Variants in KLF5 observed in about 807,000 individuals in gnomAD.
KLF5 encodes Krueppel-like factor 5.
KLF5 carries 9 observed loss-of-function variants against 36.9 expected under a neutral mutation model. The observed-to-expected ratio is 0.24, with a 90% CI of 0.15 to 0.43. The LOEUF is 0.43. KLF5 is among the 20% of genes least tolerant of loss of function. KLF5 has a pLI of 1.00. For synonymous variants in KLF5, 246 were observed against 241.7 expected (o/e 1.02, Z -0.17); for missense variants, 524 against 599.5 (o/e 0.87, Z 1.31).
At chr13:73,063,359 A>C (rs2044654438) in intron 2 of KLF5, among the ~76,000 whole-genome samples, 1 of 152,260 alleles carries the variant, frequency 6.6e-6, no homozygotes, top group Non-Finnish European at 1.5e-5. Flanking sequence ...TGGGAAAGCT[A>C]GTTTATGATT....
At position 73,075,905 on chromosome 13, in the gene KLF5, G is replaced by C. The variant is rs368090724; in HGVS notation, c.*19G>C. 1 of 1,519,260 alleles carries C rather than the reference G, an allele frequency of 6.6e-7. No homozygotes were observed. The highest frequency in any genetic ancestry group is 1.4e-5 in the African/African-American group (1 of 73,112). 94.1% of individuals were successfully genotyped at this position (1,519,260 alleles called of 1,614,324 possible). On this transcript the variant is annotated 3_prime_UTR_variant, in exon 4 of 4. Coordinates refer to ENST00000377687, the MANE Select transcript of KLF5 (RefSeq NM_001730.5). Reference sequence around the variant, plus strand: ...GAACTGAGCACTGCCCGTGTGACCCGTTCCAGGTCCCCTGGGCTCCCTCAA... The same window carrying C: ...GAACTGAGCACTGCCCGTGTGACCCCTTCCAGGTCCCCTGGGCTCCCTCAA...
chr13:73,062,871 C>T, intron 2 of KLF5, 137 bp downstream of exon 2: 3 of 593,726 alleles, frequency 5.1e-6, no homozygotes, highest in Non-Finnish European at 8.4e-6. Flanking sequence ...TTGTACTTGA[C>T]AGTAAAAAAA....
chr13:73,068,334 C>T (rs903216075), intron 3 of KLF5, among the ~76,000 whole-genome samples: 23 of 152,132 alleles, frequency 1.5e-4, no homozygotes, highest in African/African-American at 3.1e-4. Flanking sequence ...AGTTATACTT[C>T]GTATAATCTG....
At chr13:73,071,955 C>G (rs991906020) in intron 3 of KLF5, among the ~76,000 whole-genome samples, 1 of 152,212 alleles carries the variant, frequency 6.6e-6, no homozygotes, top group Non-Finnish European at 1.5e-5. Context: ...CTTTAATTCT[C>G]ATGATATTTT....
chr13:73,066,704 A>T (rs912638663), intron 3 of KLF5, among the ~76,000 whole-genome samples: 11 of 152,198 alleles, frequency 7.2e-5, no homozygotes, highest in African/African-American at 2.7e-4. Context: ...GAACCTAAGC[A>T]AATAATAGTC....
chr13:73,059,404 T>C lies in KLF5; in HGVS notation c.77T>C (p.Val26Ala). The C allele has an allele frequency of 7.2e-7, 1 of 1,397,336 alleles. No homozygotes were observed. The highest frequency in any genetic ancestry group is 9.3e-7 in the Non-Finnish European group (1 of 1,076,986). The allele number at this position is 1,397,336 out of a possible 1,614,324, so 86.6% of individuals were successfully genotyped here. A position where few individuals can be genotyped will look rare whatever the true frequency, so the allele number is the denominator to read the frequency against. The change falls in exon 1 of 4, where the codon GTG becomes GCG. Residue 26 changes from valine (V) to alanine (A), a missense_variant. Physicochemically the swap from Val to Ala is moderately conservative, Grantham distance 64 (BLOSUM62 0). Around this residue, in one of 4 missense-constraint regions of KLF5, gnomAD observed 454 missense variants for 458.1 expected, o/e 0.99. Transcript: ENST00000377687. ...CCGCCGGCGCCGCAGGACGAGCCGG[T>C]GTTCGCGCAGCTCAAGCCGGTGCTG... ...PQPPAPQDEP[V>A]FAQLKPVLGA...
In KLF5 at chr13:73,059,778, G is replaced by C. The variant is rs931522098; in HGVS notation, c.261+190G>C. The stretch of plus-strand genomic sequence containing the variant: ...CCGCGTTTCGCTGAGAGTAAATGGG[G>C]GGGGGGGCCGGGGGTGGGAAGGATG... On this transcript the variant is annotated intron_variant, in intron 1 of 3. Transcript: ENST00000377687. The C allele has an allele frequency of 3.2e-4, 235 of 737,554 alleles. 6 individuals are homozygous for C. The South Asian group carries it at 7.2e-3, about 22-fold the overall frequency. The allele number at this position is 737,554 out of a possible 1,614,324, so 45.7% of individuals were successfully genotyped here. A position where few individuals can be genotyped will look rare whatever the true frequency, so the allele number is the denominator to read the frequency against.
At chr13:73,071,739 A>G (rs1478234452) in intron 3 of KLF5, among the ~76,000 whole-genome samples, 1 of 152,214 alleles carries the variant, frequency 6.6e-6, no homozygotes, top group Non-Finnish European at 1.5e-5. Flanking sequence ...TCCTCTTGAA[A>G]TAAGAGCCCA....
upstream of KLF5, among the ~76,000 whole-genome samples, chr13:73,058,532 A>C (rs1033273177): frequency 6.6e-6 from 1 of 152,242 alleles, no homozygotes; most frequent in Non-Finnish European, 1.5e-5. Flanking sequence ...GTACACACTC[A>C]TTAGACAAAT....
At chr13:73,063,007 TC>T (rs1192037079) in intron 2 of KLF5, among the ~76,000 whole-genome samples, 1 of 151,010 alleles carries the variant, frequency 6.6e-6, no homozygotes, top group Non-Finnish European at 1.5e-5. Flanking sequence ...TGGAAAAAGT[TC>T]CCTTGGATTT....
At position 73,062,384 on chromosome 13, in the gene KLF5, G is replaced by A; in HGVS notation, c.785G>A (p.Gly262Asp). Residue 262 changes from glycine to aspartate, a missense_variant, in exon 2 of 4, where the codon GGC (glycine) becomes GAC (aspartate). By Grantham distance (94) the Gly-to-Asp change is moderately conservative. Coordinates refer to ENST00000377687, the MANE Select transcript of KLF5 (RefSeq NM_001730.5). The stretch of plus-strand genomic sequence containing the variant: ...GTTTCTATGTCAGCTGCCATGGCAG[G>A]CCTTAACACACACACCTCTGCTGTT... ...LNVSMSAAMA[G>D]LNTHTSAVPQ... is the part of the protein sequence containing the mutation. 1.2e-6 allele frequency: 2 copies of A among 1,614,146 alleles called. No individual in the cohort carries two copies. The highest frequency in any genetic ancestry group is 2.2e-5 in the East Asian group (1 of 44,884).
intron 3 of KLF5, among the ~76,000 whole-genome samples, chr13:73,073,020 T>C (rs1037774904): frequency 6.6e-5 from 10 of 152,246 alleles, no homozygotes; most frequent in African/African-American, 2.4e-4. Flanking sequence ...ACAGTTGATG[T>C]TGAAAGAGCT....
intron 3 of KLF5, among the ~76,000 whole-genome samples, chr13:73,068,362 T>G (rs1322441992): frequency 6.6e-6 from 1 of 152,174 alleles, no homozygotes; most frequent in Non-Finnish European, 1.5e-5. Context: ...GATTTGCTGC[T>G]GAATATATTG....
intron 3 of KLF5, chr13:73,075,073 G>GGT (rs1176876816): frequency 6.6e-6 from 1 of 152,110 alleles, no homozygotes; most frequent in Non-Finnish European, 1.5e-5. Context: ...GGTGTGTGAA[G>GGT]GTGTGTGTGA....
At chr13:73,058,496 G>A (rs1316025162), upstream of KLF5, among the ~76,000 whole-genome samples, 10 of 152,206 alleles carry the variant, frequency 6.6e-5, no homozygotes, top group Admixed American at 6.5e-4. Context: ...TTCTGCTAAA[G>A]AGAAGTACAT....
At chr13:73,060,157 TAA>T (rs535575783) in intron 1 of KLF5, among the ~76,000 whole-genome samples, 1,365 of 116,660 alleles carry the variant, frequency 0.012, 6 homozygotes, top group Middle Eastern at 0.022. Context: ...TATTTTTCCT[TAA>T]AAAAAAAAAA....
At chr13:73,060,157 T>TAAA (rs535575783) in intron 1 of KLF5, among the ~76,000 whole-genome samples, 36 of 116,676 alleles carry the variant, frequency 3.1e-4, no homozygotes, top group Middle Eastern at 4.5e-3. Flanking sequence ...TATTTTTCCT[T>TAAA]AAAAAAAAAA....
intron 3 of KLF5, among the ~76,000 whole-genome samples, chr13:73,065,380 A>G (rs1160037704): frequency 6.6e-6 from 1 of 152,222 alleles, no homozygotes; most frequent in Non-Finnish European, 1.5e-5. Flanking sequence ...AACACTACTT[A>G]CTAAAATCCG....
upstream of KLF5, among the ~76,000 whole-genome samples, chr13:73,055,399 G>GT (rs1166146448): frequency 6.6e-6 from 1 of 152,180 alleles, no homozygotes; most frequent in Non-Finnish European, 1.5e-5. Flanking sequence ...ATAAATAGAA[G>GT]TATTTAGTCT....
Sources: allele counts gnomAD v4.1 joint callset (sites outside exome capture counted in the v4.1 genomes callset), GRCh38; gene constraint gnomAD v4.1.1; regional missense constraint gnomAD v4.1.1; transcripts MANE v1.5; gene names NCBI Gene and HGNC (gene_info 2026-07-23, HGNC 2026-07-21).